Variants in KDM4C observed in about 807,000 individuals in gnomAD.
KDM4C encodes the protein lysine-specific demethylase 4C.
Under a neutral mutation model 129.3 loss-of-function variants are expected in KDM4C, and 81 were observed. That is an observed-to-expected ratio of 0.63 (90% CI 0.52 to 0.75). KDM4C has a LOEUF of 0.75. KDM4C is among the 30% of genes least tolerant of loss of function. The pLI is 0.00. For synonymous variants in KDM4C, 573 were observed against 456.1 expected (o/e 1.26, Z -3.26); for missense variants, 1,457 against 1,304.0 (o/e 1.12, Z -1.81).
chr9:7,152,159 A>G (rs1408430390), intron 19 of KDM4C, among the ~76,000 whole-genome samples: 1 of 152,262 alleles, frequency 6.6e-6, no homozygotes, highest in Non-Finnish European at 1.5e-5. Flanking sequence ...TAAATAGTTT[A>G]TATGCCTTTT....
At chr9:7,104,371 CT>C in intron 18 of KDM4C, 1 of 152,842 alleles carries the variant, frequency 6.5e-6, no homozygotes, top group Non-Finnish European at 1.5e-5. Flanking sequence ...TGGCCAGGAG[CT>C]TTTGGGACTT....
At chr9:6,893,871 T>C (rs1846453083) in intron 8 of KDM4C, among the ~76,000 whole-genome samples, 1 of 152,206 alleles carries the variant, frequency 6.6e-6, no homozygotes, top group Admixed American at 6.5e-5. Context: ...ACTTTCCCCC[T>C]GTGGTGTTAA....
intron 5 of KDM4C, among the ~76,000 whole-genome samples, chr9:6,851,763 C>G (rs1373096365): frequency 6.6e-6 from 1 of 152,128 alleles, no homozygotes; most frequent in African/African-American, 2.4e-5. Flanking sequence ...TTGATGTTGT[C>G]TCCTAATGAT....
chr9:6,996,719 G>A (rs556906013), intron 12 of KDM4C, among the ~76,000 whole-genome samples: 1 of 152,278 alleles, frequency 6.6e-6, no homozygotes, highest in Non-Finnish European at 1.5e-5. Flanking sequence ...ACATACTTGT[G>A]CTGACAGTGA....
intron 8 of KDM4C, among the ~76,000 whole-genome samples, chr9:6,953,503 C>G (rs971768465): frequency 6.6e-6 from 1 of 152,090 alleles, no homozygotes; most frequent in African/African-American, 2.4e-5. Context: ...TTCTAAGCTG[C>G]CTAGACTATA....
chr9:7,099,209 C>T (rs1470038930), intron 17 of KDM4C, among the ~76,000 whole-genome samples: 1 of 152,162 alleles, frequency 6.6e-6, no homozygotes, highest in Non-Finnish European at 1.5e-5. Flanking sequence ...AAAAAAACAT[C>T]ATAAAACTAG....
chr9:6,809,244 G>A (rs764202815), intron 3 of KDM4C, among the ~76,000 whole-genome samples: 1 of 152,068 alleles, frequency 6.6e-6, no homozygotes, highest in East Asian at 1.9e-4. Context: ...CTTATTAATC[G>A]AGAACATGAA....
At chr9:6,873,380 G>A (rs1843057648) in intron 5 of KDM4C, among the ~76,000 whole-genome samples, 2 of 152,168 alleles carry the variant, frequency 1.3e-5, no homozygotes, top group South Asian at 4.1e-4. Flanking sequence ...GTAGGTATAA[G>A]GAGGTTTCCT....
chr9:7,013,051 T>G (rs1822982421), intron 13 of KDM4C, among the ~76,000 whole-genome samples: 1 of 152,146 alleles, frequency 6.6e-6, no homozygotes, highest in Non-Finnish European at 1.5e-5. Context: ...GTCATTAAAT[T>G]TCTGGGTTTT....
chr9:6,911,740 C>T (rs887803489), intron 8 of KDM4C, among the ~76,000 whole-genome samples: 3 of 152,106 alleles, frequency 2.0e-5, no homozygotes, highest in Non-Finnish European at 4.4e-5. Flanking sequence ...CTTTTGTTGA[C>T]GTATTGCAAA....
At chr9:6,868,862 C>G (rs1765360475) in intron 5 of KDM4C, among the ~76,000 whole-genome samples, 1 of 151,866 alleles carries the variant, frequency 6.6e-6, no homozygotes, top group African/African-American at 2.4e-5. Context: ...TTGATATCAA[C>G]TAATTTAGAA....
chr9:6,823,010 T>C (rs1833289428), intron 4 of KDM4C, among the ~76,000 whole-genome samples: 2 of 152,258 alleles, frequency 1.3e-5, no homozygotes, highest in African/African-American at 4.8e-5. Flanking sequence ...GCAATACCTA[T>C]TGTGTAGCAT....
intron 4 of KDM4C, among the ~76,000 whole-genome samples, chr9:6,830,882 G>A (rs149404223): frequency 1.3e-5 from 2 of 152,286 alleles, no homozygotes; most frequent in East Asian, 3.9e-4. Flanking sequence ...ATGAAGCAAG[G>A]TGGAAAAAAC....
intron 15 of KDM4C, among the ~76,000 whole-genome samples, chr9:7,031,625 A>G (rs578171189): frequency 2.0e-5 from 3 of 152,294 alleles, no homozygotes; most frequent in Non-Finnish European, 4.4e-5. Context: ...ATATACACAC[A>G]CAGATACATA....
intron 11 of KDM4C, 48 bp downstream of exon 11, chr9:6,986,714 C>A (rs974727908): frequency 7.3e-7 from 1 of 1,371,248 alleles, no homozygotes; most frequent in Non-Finnish European, 9.9e-7. Flanking sequence ...ATGGTGAGAG[C>A]ACATTTTGAA....
chr9:7,079,222 T>C (rs1252035784), intron 17 of KDM4C, among the ~76,000 whole-genome samples: 2 of 152,328 alleles, frequency 1.3e-5, no homozygotes, highest in East Asian at 3.9e-4. Context: ...CAACATGTAA[T>C]AAAAAGCCAG....
At chr9:6,937,754 G>A (rs1196894539) in intron 8 of KDM4C, among the ~76,000 whole-genome samples, 2 of 151,938 alleles carry the variant, frequency 1.3e-5, no homozygotes, top group African/African-American at 4.8e-5. Flanking sequence ...CTCTGTCGCC[G>A]AGGCTGGAGT....
At chr9:7,032,728 C>T (rs573443979) in intron 15 of KDM4C, among the ~76,000 whole-genome samples, 4 of 152,296 alleles carry the variant, frequency 2.6e-5, no homozygotes, top group South Asian at 2.1e-4. Flanking sequence ...ATTCCCAGGC[C>T]TTGCCTCCTC....
chr9:6,931,239 C>T (rs1449859700), intron 8 of KDM4C, among the ~76,000 whole-genome samples: 1 of 151,940 alleles, frequency 6.6e-6, no homozygotes, highest in African/African-American at 2.4e-5. Context: ...AAACTACCAT[C>T]GCCTGACTTA....
Sources: allele counts gnomAD v4.1 joint callset (sites outside exome capture counted in the v4.1 genomes callset), GRCh38; gene constraint gnomAD v4.1.1; transcripts MANE v1.5; gene names NCBI Gene and HGNC (gene_info 2026-07-23, HGNC 2026-07-21).